The following OCA2 variants were observed in gnomAD, a reference collection of about 807,000 sequenced individuals.
OCA2 encodes OCA2 melanosomal transmembrane protein, also known as P protein.
OCA2 carries 77 observed loss-of-function variants against 100.2 expected under a neutral mutation model. The observed-to-expected ratio is 0.77, with a 90% CI of 0.64 to 0.93. The LOEUF (loss-of-function observed/expected upper bound fraction) is 0.93, where lower values mean the gene tolerates loss of function less well. Among genes scored for constraint, OCA2 ranks in the 40% least tolerant of loss-of-function variants. The pLI is 0.00. For missense variants in OCA2, 1,062 were observed against 1,089.1 expected (o/e 0.98, Z 0.35); for synonymous variants, 432 against 439.2 (o/e 0.98, Z 0.21).
intron 2 of OCA2, among the ~76,000 whole-genome samples, chr15:28,047,815 A>G (rs189933208): frequency 6.6e-6 from 1 of 152,334 alleles, no homozygotes; most frequent in Non-Finnish European, 1.5e-5. Flanking sequence ...TGGGGAAGGA[A>G]GAAGTAAAAA....
At chr15:27,864,909 C>T in intron 21 of OCA2, among the ~76,000 whole-genome samples, 1 of 151,766 alleles carries the variant, frequency 6.6e-6, no homozygotes, top group South Asian at 2.1e-4. Context: ...AAGAACGCCA[C>T]CCACAGAGGC....
At chr15:27,771,795 A>G (rs2031889412) in intron 23 of OCA2, among the ~76,000 whole-genome samples, 1 of 151,830 alleles carries the variant, frequency 6.6e-6, no homozygotes, top group African/African-American at 2.4e-5. Flanking sequence ...TTGCTTTCCC[A>G]TTCTCTTTCT....
intron 21 of OCA2, among the ~76,000 whole-genome samples, chr15:27,864,637 G>T (rs1354550845): frequency 6.6e-6 from 1 of 152,136 alleles, no homozygotes; most frequent in African/African-American, 2.4e-5. Flanking sequence ...CTGGGTGACA[G>T]CATAGATAAT....
chr15:27,959,932 G>A (rs924485982), intron 15 of OCA2, among the ~76,000 whole-genome samples: 19 of 152,140 alleles, frequency 1.2e-4, no homozygotes, highest in African/African-American at 3.9e-4. Context: ...GAATTTAGTC[G>A]GGAGGGATTT....
intron 23 of OCA2, among the ~76,000 whole-genome samples, chr15:27,774,171 C>G (rs17651026): frequency 0.074 from 11,201 of 152,272 alleles, 507 homozygotes; most frequent in South Asian, 0.13. Flanking sequence ...AGACTGTCAC[C>G]AAGTCCCTCA....
chr15:27,773,783 C>T (rs2032028176), intron 23 of OCA2, among the ~76,000 whole-genome samples: 1 of 152,200 alleles, frequency 6.6e-6, no homozygotes. Flanking sequence ...GCTTTGGGAT[C>T]ACAGCCATTT....
At chr15:27,722,109 A>T in the OCA2 span, among the ~76,000 whole-genome samples, 1 of 152,256 alleles carries the variant, frequency 6.6e-6, no homozygotes, top group Non-Finnish European at 1.5e-5. Context: ...ATTTAATTCC[A>T]TGAATCAAGT....
Position 27,848,803 on chromosome 15 carries a change from G to A in OCA2, c.2338+2579C>T, listed in dbSNP as rs182980532. On this transcript the variant is annotated intron_variant, in intron 22 of 23. Coordinates refer to ENST00000354638, the MANE Select transcript of OCA2 (RefSeq NM_000275.3). The stretch of plus-strand genomic sequence containing the variant: ...TATGCATGGACATTCCCTTTGTCGA[G>A]TTGAAGAGCCACCAGTCCTTCAAGA... Among the ~76,000 whole-genome samples, 185 of 152,374 alleles carry A rather than the reference G, an allele frequency of 1.2e-3. 5 individuals are homozygous for A. The highest frequency in any genetic ancestry group is 2.9e-4 in the Non-Finnish European group (20 of 68,040).
intron 4 of OCA2, among the ~76,000 whole-genome samples, chr15:28,025,456 T>A (rs1436297374): frequency 2.6e-5 from 4 of 152,160 alleles, no homozygotes; most frequent in Non-Finnish European, 4.4e-5. Flanking sequence ...TCCAAAGCCA[T>A]CCCGGCCCCC....
chr15:27,879,591 T>C (rs11855720), intron 19 of OCA2, among the ~76,000 whole-genome samples: 2,367 of 152,274 alleles, frequency 0.016, 55 homozygotes, highest in African/African-American at 0.05. Context: ...TTGCATTTCT[T>C]TAACGATTAG....
intron 9 of OCA2, among the ~76,000 whole-genome samples, chr15:27,997,138 GGA>G (rs368397819): frequency 0.58 from 77,357 of 133,044 alleles, 26,125 homozygotes; most frequent in Non-Finnish European, 0.78. Context: ...GAAGAAGGAA[GGA>G]AGAGAGAGAG....
At chr15:27,793,888 C>T (rs2033203030) in intron 23 of OCA2, among the ~76,000 whole-genome samples, 2 of 152,182 alleles carry the variant, frequency 1.3e-5, no homozygotes, top group Admixed American at 1.3e-4. Context: ...TGGACGTGCC[C>T]ACCACAGGCT....
downstream of OCA2, among the ~76,000 whole-genome samples, chr15:27,753,770 G>GA (rs1054039676): frequency 6.6e-6 from 1 of 151,702 alleles, no homozygotes; most frequent in Non-Finnish European, 1.5e-5. Context: ...AAGAAAGAAA[G>GA]AAAAAAGAAT....
chr15:27,824,725 C>A lies in OCA2; in HGVS notation c.2432+20234G>T, dbSNP rs963996728. On this transcript the variant is annotated intron_variant, in intron 23 of 23. Transcript: ENST00000354638. ...GGCCAGCTGCTAGCTCTGCTCTGCA[C>A]GCAGCACACTCGCCTAAAAGGCAAC... Among the ~76,000 whole-genome samples, 3 of 151,008 alleles carry A rather than the reference C, an allele frequency of 2.0e-5. No homozygotes were observed. The South Asian group carries it at 6.2e-4, about 31-fold the overall frequency.
At chr15:27,913,417 C>T (rs1385845784) in intron 19 of OCA2, among the ~76,000 whole-genome samples, 1 of 151,870 alleles carries the variant, frequency 6.6e-6, no homozygotes, top group South Asian at 2.1e-4. Flanking sequence ...ATATCAAATA[C>T]ATCATCTTAA....
intron 2 of OCA2, among the ~76,000 whole-genome samples, chr15:28,047,863 G>T (rs2043391580): frequency 6.6e-6 from 1 of 152,182 alleles, no homozygotes; most frequent in Non-Finnish European, 1.5e-5. Flanking sequence ...GAATCTATAT[G>T]TAGAAAATCC....
At chr15:27,849,342 T>C (rs1193435647) in intron 22 of OCA2, among the ~76,000 whole-genome samples, 1 of 152,224 alleles carries the variant, frequency 6.6e-6, no homozygotes, top group Non-Finnish European at 1.5e-5. Context: ...TTCTTCACTC[T>C]CCACGCTCAC....
intron 23 of OCA2, among the ~76,000 whole-genome samples, chr15:27,776,148 G>A (rs568385524): frequency 2.6e-5 from 4 of 152,262 alleles, no homozygotes; most frequent in South Asian, 2.1e-4. Context: ...CGGTATGTCC[G>A]ATCTTTCTCC....
intron 23 of OCA2, among the ~76,000 whole-genome samples, chr15:27,765,812 G>T (rs1320459880): frequency 6.6e-6 from 1 of 152,244 alleles, no homozygotes; most frequent in Non-Finnish European, 1.5e-5. Context: ...GGTGTATAAT[G>T]AGCAGTGCGA....
Sources: allele counts gnomAD v4.1 joint callset (sites outside exome capture counted in the v4.1 genomes callset), GRCh38; gene constraint gnomAD v4.1.1; transcripts MANE v1.5; gene names NCBI Gene and HGNC (gene_info 2026-07-23, HGNC 2026-07-21).